ARB2A: variants seen among roughly 807,000 people sequenced by gnomAD.
ARB2A encodes ARB2 cotranscriptional regulator A, also known as cotranscriptional regulator ARB2A.
the ARB2A span, among the ~76,000 whole-genome samples, chr5:93,787,854 C>T: frequency 1.3e-5 from 2 of 152,244 alleles, no homozygotes; most frequent in South Asian, 4.1e-4. Context: ...GAGAAACTGA[C>T]AATAGCACTT....
chr5:93,985,621 C>T, the ARB2A span, among the ~76,000 whole-genome samples: 105 of 152,294 alleles, frequency 6.9e-4, no homozygotes, highest in Admixed American at 1.3e-3. Flanking sequence ...GACGGGGTTT[C>T]GCCCTGTTGG....
the ARB2A span, among the ~76,000 whole-genome samples, chr5:93,695,205 A>G: frequency 6.6e-6 from 1 of 152,112 alleles, no homozygotes; most frequent in African/African-American, 2.4e-5. Flanking sequence ...TAATTAAACT[A>G]AAGAGCTTCT....
chr5:93,651,413 G>A, the ARB2A span, among the ~76,000 whole-genome samples: 1 of 152,132 alleles, frequency 6.6e-6, no homozygotes, highest in Admixed American at 6.6e-5. Context: ...TGGGATTATA[G>A]GTGTAAGCCA....
chr5:93,824,080 CAGAA>C, the ARB2A span: 1 of 1,335,040 alleles, frequency 7.5e-7, no homozygotes. Context: ...TTGATACCAA[CAGAA>C]AGAAAGGAGA....
chr5:93,707,172 C>A, the ARB2A span, among the ~76,000 whole-genome samples: 1 of 152,110 alleles, frequency 6.6e-6, no homozygotes, highest in Admixed American at 6.6e-5. Context: ...GGAGGCTGAA[C>A]AAGTTTGTTT....
At chr5:93,850,594 A>C in the ARB2A span, among the ~76,000 whole-genome samples, 1 of 152,150 alleles carries the variant, frequency 6.6e-6, no homozygotes, top group Non-Finnish European at 1.5e-5. Context: ...TGAGCAGTGA[A>C]GTTTTTTTAT....
At chr5:93,784,499 T>C in the ARB2A span, 1 of 1,610,708 alleles carries the variant, frequency 6.2e-7, no homozygotes, top group Non-Finnish European at 8.5e-7. Context: ...CGTTGAATCA[T>C]CTGTTTTAAA....
the ARB2A span, among the ~76,000 whole-genome samples, chr5:93,907,368 C>A: frequency 6.6e-6 from 1 of 151,474 alleles, no homozygotes; most frequent in Non-Finnish European, 1.5e-5. Flanking sequence ...TACACCATTT[C>A]AATCAATTAT....
the ARB2A span, among the ~76,000 whole-genome samples, chr5:94,063,976 T>C: frequency 6.6e-6 from 1 of 151,440 alleles, no homozygotes; most frequent in Non-Finnish European, 1.5e-5. Flanking sequence ...AGGAGCACAA[T>C]AACTCTCTGG....
chr5:93,900,472 TTGG>T, the ARB2A span, among the ~76,000 whole-genome samples: 1 of 151,698 alleles, frequency 6.6e-6, no homozygotes, highest in Non-Finnish European at 1.5e-5. Context: ...TTAGCCAGGC[TTGG>T]TGGTGCGCAC....
At chr5:93,709,632 C>CAAAAAAAAAA in the ARB2A span, among the ~76,000 whole-genome samples, 1 of 41,678 alleles carries the variant, frequency 2.4e-5, no homozygotes, top group African/African-American at 7.4e-5. Context: ...GACTCTGTCA[C>CAAAAAAAAAA]AAAAAAAAAA....
At chr5:94,062,747 G>A in the ARB2A span, among the ~76,000 whole-genome samples, 1 of 152,174 alleles carries the variant, frequency 6.6e-6, no homozygotes, top group East Asian at 1.9e-4. Flanking sequence ...GCTGCATTCT[G>A]TCCCCAGGAG....
At chr5:93,724,206 T>C in the ARB2A span, among the ~76,000 whole-genome samples, 1 of 151,836 alleles carries the variant, frequency 6.6e-6, no homozygotes, top group East Asian at 1.9e-4. Flanking sequence ...AAGAAATATA[T>C]TAACAAAAAT....
chr5:94,002,041 C>A, the ARB2A span, among the ~76,000 whole-genome samples: 10 of 152,008 alleles, frequency 6.6e-5, no homozygotes, highest in Non-Finnish European at 1.3e-4. Flanking sequence ...TTTTTTCTTC[C>A]CCTCTTAGGT....
the ARB2A span, chr5:93,682,719 T>C: frequency 4.5e-6 from 3 of 659,924 alleles, no homozygotes; most frequent in East Asian, 2.6e-5. Flanking sequence ...GGACAACATT[T>C]ATCAAACACG....
chr5:93,981,885 T>G, the ARB2A span, among the ~76,000 whole-genome samples: 2 of 152,072 alleles, frequency 1.3e-5, no homozygotes, highest in Admixed American at 1.3e-4. Flanking sequence ...GTACTTCCAC[T>G]GAAAGAAGCA....
At chr5:93,936,604 A>C in the ARB2A span, among the ~76,000 whole-genome samples, 5 of 152,320 alleles carry the variant, frequency 3.3e-5, no homozygotes, top group Non-Finnish European at 5.9e-5. Context: ...AAAAAGTATA[A>C]TTGTTGAGTA....
the ARB2A span, among the ~76,000 whole-genome samples, chr5:93,635,604 T>A: frequency 6.6e-6 from 1 of 151,844 alleles, no homozygotes; most frequent in African/African-American, 2.4e-5. Context: ...CACACCTAGC[T>A]AATTTTTGTA....
At chr5:93,854,428 T>C in the ARB2A span, among the ~76,000 whole-genome samples, 1 of 152,238 alleles carries the variant, frequency 6.6e-6, no homozygotes, top group Non-Finnish European at 1.5e-5. Flanking sequence ...ATGAATTTTT[T>C]GAAGGGTTTT....
Sources: allele counts gnomAD v4.1 joint callset (sites outside exome capture counted in the v4.1 genomes callset), GRCh38; gene constraint gnomAD v4.1.1; transcripts MANE v1.5; gene names NCBI Gene and HGNC (gene_info 2026-07-23, HGNC 2026-07-21).